The following ZNF407 variants were observed in gnomAD, a reference collection of about 807,000 sequenced individuals.
The protein encoded by ZNF407 is zinc finger protein 407.
A neutral mutation model predicts 131.2 loss-of-function variants in ZNF407; 17 were observed. The observed-to-expected ratio is 0.13, with a 90% confidence interval of 0.09 to 0.19. The LOEUF is 0.19. Ranked by LOEUF, ZNF407 falls within the 10% of genes least tolerant of loss-of-function variation. ZNF407 has a pLI of 1.00. For missense variants in ZNF407, 2,681 were observed against 2,830.6 expected (o/e 0.95, Z 1.20); for synonymous variants, 1,156 against 1,062.0 (o/e 1.09, Z -1.72).
intron 3 of ZNF407, among the ~76,000 whole-genome samples, chr18:74,690,440 GT>G (rs1156382386): frequency 2.5e-5 from 3 of 121,064 alleles, no homozygotes; most frequent in Non-Finnish European, 3.9e-5. Flanking sequence ...GTTTTTTTTT[GT>G]TTTTTTGGGG....
Position 74,919,354 on chromosome 18 carries a change from C to T in ZNF407, c.5250-1160C>T, listed in dbSNP as rs143200550. ...ACTCAAAAGCAATTCTAATTAGAAA[C>T]GTTCAGGCACTGTAGACCTACATAA... On this transcript the variant is annotated intron_variant, in intron 7 of 8. Coordinates refer to ENST00000299687, the MANE Select transcript of ZNF407 (RefSeq NM_017757.3). Among the ~76,000 whole-genome samples the T allele has an allele frequency of 5.7e-3, 874 of 152,262 alleles. 7 individuals carry two copies. The highest frequency in any genetic ancestry group is 0.018 in the African/African-American group (728 of 41,538).
intron 8 of ZNF407, among the ~76,000 whole-genome samples, chr18:74,983,255 TGC>T: frequency 6.6e-6 from 1 of 152,344 alleles, no homozygotes; most frequent in Non-Finnish European, 1.5e-5. Context: ...CAGAGCTTGC[TGC>T]TAGAGGTCCC....
intron 3 of ZNF407, among the ~76,000 whole-genome samples, chr18:74,713,231 C>T (rs1156900475): frequency 2.0e-5 from 3 of 152,068 alleles, no homozygotes; most frequent in African/African-American, 7.2e-5. Flanking sequence ...AATAAAGGAA[C>T]TCCAAGACTC....
At chr18:74,691,293 TAATA>T (rs1238052553) in intron 3 of ZNF407, among the ~76,000 whole-genome samples, 2 of 151,590 alleles carry the variant, frequency 1.3e-5, no homozygotes, top group Non-Finnish European at 2.9e-5. Flanking sequence ...AAAAAAATAA[TAATA>T]AATAATAAAG....
At chr18:74,990,754 G>A (rs1305746947) in intron 8 of ZNF407, among the ~76,000 whole-genome samples, 2 of 152,184 alleles carry the variant, frequency 1.3e-5, no homozygotes, top group Admixed American at 6.5e-5. Context: ...GTCTTCAGAC[G>A]ACCTCTGATG....
intron 4 of ZNF407, among the ~76,000 whole-genome samples, chr18:74,869,251 G>T (rs1971054259): frequency 6.6e-6 from 1 of 152,096 alleles, no homozygotes; most frequent in Non-Finnish European, 1.5e-5. Flanking sequence ...CATAAATCCA[G>T]TGGCTTTTTA....
rs1256641400 is a variant in ZNF407, at chr18:74,890,000, T to G, written c.5211T>G (p.Thr1737=). 1 of 1,603,344 alleles carries G rather than the reference T, an allele frequency of 6.2e-7. No individual in the cohort carries two copies. Among genetic ancestry groups the G allele is most frequent in the Non-Finnish European group, 8.5e-7 (1 of 1,174,744 alleles). ...TGACTCGGCATAAACGTGTCCACAC[T>G]GGAGAAAAGCCCTACAGATGCCCCT... ...SHLTRHKRVH[T]GEKPYRCPWC... Residue 1737 remains threonine (T), a synonymous_variant, in exon 7 of 9, where the codon ACT becomes ACG. Transcript: ENST00000299687.
At chr18:74,738,554 A>G (rs947862835) in intron 3 of ZNF407, among the ~76,000 whole-genome samples, 12 of 151,806 alleles carry the variant, frequency 7.9e-5, no homozygotes, top group South Asian at 2.1e-4. Flanking sequence ...TCTGACCAAC[A>G]TAATGAAACC....
intron 1 of ZNF407, chr18:74,598,172 C>T (rs919196745): frequency 6.6e-6 from 1 of 152,026 alleles, no homozygotes; most frequent in South Asian, 2.1e-4. Context: ...CGCTCGTTCG[C>T]TCACGCTGCC....
At position 74,879,395 on chromosome 18, in the gene ZNF407, G is replaced by T. The variant is rs143620752; in HGVS notation, c.5045-1641G>T. On this transcript the variant is annotated intron_variant, in intron 5 of 8. Transcript: ENST00000299687. ...ACACACACTCCTCACACGCACAGCA[G>T]GCAGCACCCACGGACCCGCAACGAG... is the stretch of plus-strand genomic sequence containing the variant. 9.6e-4 allele frequency among the ~76,000 whole-genome samples: 146 copies of T among 152,188 alleles called. No individual in the cohort carries two copies. The Middle Eastern group carries it at 0.014, about 14-fold the overall frequency.
chr18:74,851,787 G>A (rs948749315), intron 4 of ZNF407, among the ~76,000 whole-genome samples: 3 of 152,206 alleles, frequency 2.0e-5, no homozygotes, highest in Non-Finnish European at 2.9e-5. Context: ...CAATCAGCAA[G>A]AGTGAACAAT....
At chr18:74,962,885 CAAAT>C (rs1223684045) in intron 8 of ZNF407, among the ~76,000 whole-genome samples, 6 of 152,232 alleles carry the variant, frequency 3.9e-5, no homozygotes, top group Non-Finnish European at 7.3e-5. Context: ...AAAGAATTAA[CAAAT>C]GAATGAATGA....
chr18:74,976,785 A>G (rs1416320332), intron 8 of ZNF407, among the ~76,000 whole-genome samples: 3 of 152,242 alleles, frequency 2.0e-5, no homozygotes, highest in African/African-American at 4.8e-5. Context: ...GTTAAGACAG[A>G]CATCCACACC....
At chr18:74,733,833 C>A (rs1268476839) in intron 3 of ZNF407, among the ~76,000 whole-genome samples, 1 of 152,192 alleles carries the variant, frequency 6.6e-6, no homozygotes, top group Non-Finnish European at 1.5e-5. Context: ...CATCATCCTG[C>A]AGTTGAGCAG....
intron 8 of ZNF407, among the ~76,000 whole-genome samples, chr18:75,025,250 A>G (rs1319505725): frequency 6.6e-6 from 1 of 152,222 alleles, no homozygotes; most frequent in Non-Finnish European, 1.5e-5. Context: ...ATATCTTTGG[A>G]TTCGACCTTA....
intron 8 of ZNF407, among the ~76,000 whole-genome samples, chr18:74,991,031 A>G (rs1226617844): frequency 6.6e-6 from 1 of 152,122 alleles, no homozygotes; most frequent in Non-Finnish European, 1.5e-5. Flanking sequence ...ACTGGCATAC[A>G]CCCAGGGGCA....
At chr18:74,754,695 T>G (rs543461073) in intron 3 of ZNF407, among the ~76,000 whole-genome samples, 1 of 152,340 alleles carries the variant, frequency 6.6e-6, no homozygotes, top group East Asian at 1.9e-4. Context: ...TGAGTTTGAT[T>G]GCACTGTGGT....
intron 1 of ZNF407, among the ~76,000 whole-genome samples, chr18:74,616,990 G>GCACCACACACATCCATATCCACA: frequency 3.4e-4 from 1 of 2,944 alleles, no homozygotes; most frequent in South Asian, 0.02. Flanking sequence ...CCATATCCAC[G>GCACCACACACATCCATATCCACA]CACCACACGC....
At chr18:74,811,757 A>G (rs1970198628) in intron 4 of ZNF407, among the ~76,000 whole-genome samples, 1 of 152,158 alleles carries the variant, frequency 6.6e-6, no homozygotes, top group Admixed American at 6.5e-5. Context: ...CATCATTCTC[A>G]GTAAACTATT....
Sources: allele counts gnomAD v4.1 joint callset (sites outside exome capture counted in the v4.1 genomes callset), GRCh38; gene constraint gnomAD v4.1.1; transcripts MANE v1.5; gene names NCBI Gene and HGNC (gene_info 2026-07-23, HGNC 2026-07-21).